The following CLINT1 variants were observed in gnomAD, a reference collection of about 807,000 sequenced individuals.
The protein encoded by CLINT1 is clathrin interacting protein localized in the trans-Golgi region.
In CLINT1, 15 loss-of-function variants were observed where a neutral mutation model predicts 70.4. The observed-to-expected ratio is 0.21, with a 90% CI of 0.14 to 0.33. CLINT1 has a LOEUF of 0.33. Among genes scored for constraint, CLINT1 ranks in the 10% least tolerant of loss-of-function variants. CLINT1 has a pLI of 1.00. For missense variants in CLINT1, 615 were observed against 778.1 expected, an observed-to-expected ratio of 0.79 and a Z score of 2.49; for synonymous variants, 227 against 254.7, an observed-to-expected ratio of 0.89 and a Z score of 1.04.
chr5:157,857,188 A>G (rs1753786914), intron 1 of CLINT1, among the ~76,000 whole-genome samples: 2 of 149,916 alleles, frequency 1.3e-5, no homozygotes, highest in African/African-American at 4.9e-5. Context: ...TGGAGGGTGC[A>G]GTGAGTTATG....
At chr5:157,796,613 A>C (rs1252973899) in intron 8 of CLINT1, among the ~76,000 whole-genome samples, 2 of 152,156 alleles carry the variant, frequency 1.3e-5, no homozygotes, top group African/African-American at 2.4e-5. Context: ...CTGCACTCAA[A>C]CACCACCAGG....
In CLINT1 at chr5:157,791,954, C is replaced by T. The variant is rs762877606; in HGVS notation, c.1129G>A (p.Ala377Thr). 1.2e-6 allele frequency: 2 copies of T among 1,613,794 alleles called. No homozygotes were observed. The highest frequency in any genetic ancestry group is 3.3e-5 in the Admixed American group (2 of 59,992). The change falls in exon 10 of 12, where the codon GCC becomes ACC. Residue 377 changes from alanine (A) to threonine (T), a missense_variant. Physicochemically the swap from Ala to Thr is moderately conservative, Grantham distance 58. Coordinates refer to ENST00000411809, the MANE Select transcript of CLINT1 (RefSeq NM_014666.4). ...SGNGDFGDWS[A>T]FNQAPSGPVA... ...GGGCCTGATGGGGCTTGGTTGAAGG[C>T]ACTCCAGTCACCAAAGTCTCCATTC...
intron 1 of CLINT1, among the ~76,000 whole-genome samples, chr5:157,850,299 A>G (rs569318806): frequency 2.0e-5 from 3 of 152,314 alleles, no homozygotes; most frequent in Admixed American, 1.3e-4. Flanking sequence ...TCAGTACCGA[A>G]CTTATAAGCC....
intron 1 of CLINT1, among the ~76,000 whole-genome samples, chr5:157,842,806 C>A (rs150422518): frequency 8.2e-4 from 125 of 152,304 alleles, no homozygotes; most frequent in African/African-American, 2.9e-3. Context: ...AAGCAAAACA[C>A]TCCTATTCTG....
At chr5:157,820,158 A>T (rs574204279) in intron 1 of CLINT1, among the ~76,000 whole-genome samples, 82 of 152,312 alleles carry the variant, frequency 5.4e-4, no homozygotes, top group African/African-American at 1.9e-3. Flanking sequence ...ATTAGAAGTT[A>T]TTTTCCAGGC....
rs142206803 is a variant in CLINT1, at chr5:157,844,044, T to C, written c.41+14886A>G. ...ACAGTGGTAAGAGTGATACCATCTCTTTGTGAACTCAAATACTTGATATTC... is the reference window on the plus strand; with the variant it reads ...ACAGTGGTAAGAGTGATACCATCTCCTTGTGAACTCAAATACTTGATATTC... On this transcript the variant is annotated intron_variant, in intron 1 of 11. Coordinates refer to ENST00000411809, the MANE Select transcript of CLINT1 (RefSeq NM_014666.4). Among the ~76,000 whole-genome samples the C allele has an allele frequency of 6.2e-4, 94 of 152,274 alleles. No individual in the cohort carries two copies. The Middle Eastern group carries it at 0.024, about 39-fold the overall frequency.
chr5:157,856,912 T>C, intron 1 of CLINT1, among the ~76,000 whole-genome samples: 1 of 152,174 alleles, frequency 6.6e-6, no homozygotes, highest in East Asian at 1.9e-4. Context: ...ACGTGAAGAT[T>C]AGTAACAAGT....
intron 1 of CLINT1, among the ~76,000 whole-genome samples, chr5:157,830,757 CCTCTCTCTCTCTCTCTCTCTCT>C (rs373819711): frequency 1.1e-5 from 1 of 87,408 alleles, no homozygotes; most frequent in Admixed American, 1.4e-4. Flanking sequence ...CCTCTCTCTC[CCTCTCTCTCTCTCTCTCTCTCT>C]CTCTCTCTCT....
intron 2 of CLINT1, among the ~76,000 whole-genome samples, 171 bp from the exon 3 acceptor site, chr5:157,817,001 C>T (rs1762740191): frequency 6.6e-6 from 1 of 152,088 alleles, no homozygotes; most frequent in Non-Finnish European, 1.5e-5. Context: ...ATGTTTTATA[C>T]ACTACCTGGC....
At chr5:157,803,748 T>C in intron 7 of CLINT1, 29 bp from the exon 8 acceptor site, 1 of 1,494,220 alleles carries the variant, frequency 6.7e-7, no homozygotes, top group Non-Finnish European at 9.0e-7. Context: ...CTCAGGAGCT[T>C]CGAAAAGTTT....
At chr5:157,835,328 T>A (rs1479022113) in intron 1 of CLINT1, among the ~76,000 whole-genome samples, 1 of 152,100 alleles carries the variant, frequency 6.6e-6, no homozygotes, top group Non-Finnish European at 1.5e-5. Flanking sequence ...AAATCAGCAA[T>A]TTTTTTATAT....
In CLINT1 at chr5:157,814,213, T is replaced by C. The variant is rs765121318; in HGVS notation, c.324A>G (p.Leu108=). 1 of 1,609,610 alleles carries C rather than the reference T, an allele frequency of 6.2e-7. No homozygotes were observed. Among genetic ancestry groups the C allele is most frequent in the South Asian group, 1.1e-5 (1 of 90,144 alleles). ...VTSAREHIYD[L]RSLENYHFVD... ...CAAAGTGGTAATTTTCCAGGGATCG[T>C]AAATCATAAATGTGTTCTCTGGCAC... The change falls in exon 4 of 12, where the codon TTA becomes TTG. Residue 108 remains leucine (L), a synonymous_variant. Transcript: ENST00000411809.
At chr5:157,815,702 T>C (rs947221348) in intron 3 of CLINT1, among the ~76,000 whole-genome samples, 1 of 152,232 alleles carries the variant, frequency 6.6e-6, no homozygotes, top group Non-Finnish European at 1.5e-5. Flanking sequence ...ATTAATATCA[T>C]AGAGTGTACT....
intron 1 of CLINT1, among the ~76,000 whole-genome samples, chr5:157,825,374 A>C (rs1282179326): frequency 1.3e-5 from 2 of 152,154 alleles, no homozygotes; most frequent in East Asian, 3.8e-4. Context: ...AGGAATTTGC[A>C]CAAAAATATT....
Position 157,812,529 on chromosome 5 carries a change from T to A in CLINT1, c.517+534A>T, listed in dbSNP as rs149133024. On this transcript the variant is annotated intron_variant, in intron 5 of 11. Transcript: ENST00000411809. ...GTACTGGGAAGAATAAACAAAACAA[T>A]AGGCCTAGATGAAAAACTGCGAGTA... is the stretch of plus-strand genomic sequence containing the variant. Among the ~76,000 whole-genome samples, 1,340 of 152,242 alleles carry A rather than the reference T, an allele frequency of 8.8e-3. 14 individuals are homozygous for A. The highest frequency in any genetic ancestry group is 0.013 in the Non-Finnish European group (910 of 68,004).
intron 1 of CLINT1, among the ~76,000 whole-genome samples, chr5:157,841,418 T>C (rs1753175576): frequency 6.6e-6 from 1 of 150,716 alleles, no homozygotes; most frequent in African/African-American, 2.5e-5. Flanking sequence ...ACACAAAAAT[T>C]AGCTGGGCAT....
intron 1 of CLINT1, among the ~76,000 whole-genome samples, chr5:157,858,356 T>A (rs986719229): frequency 6.6e-6 from 1 of 152,234 alleles, no homozygotes; most frequent in African/African-American, 2.4e-5. Flanking sequence ...GAGTGTCTTC[T>A]TGAGTAACTT....
intron 1 of CLINT1, among the ~76,000 whole-genome samples, chr5:157,820,671 C>T: frequency 6.6e-6 from 1 of 152,120 alleles, no homozygotes; most frequent in East Asian, 1.9e-4. Flanking sequence ...CTACTGCCCT[C>T]AATCTATGCC....
chr5:157,800,658 A>C (rs1002527327), intron 8 of CLINT1, among the ~76,000 whole-genome samples: 2 of 152,202 alleles, frequency 1.3e-5, no homozygotes, highest in Non-Finnish European at 2.9e-5. Context: ...CTTTTTATTA[A>C]GATAAAATAA....
Sources: gnomAD v4.1 joint callset for allele counts (sites outside exome capture counted in the v4.1 genomes callset) on GRCh38, gnomAD v4.1.1 for gene constraint, MANE v1.5 for transcripts, NCBI Gene and HGNC (gene_info 2026-07-23, HGNC 2026-07-21) for gene names.